Variants in PRKCA observed in about 807,000 individuals in gnomAD.
PRKCA encodes protein kinase C alpha.
A neutral mutation model predicts 87.0 loss-of-function variants in PRKCA; 27 were observed. The observed-to-expected ratio is 0.31, with a 90% CI of 0.23 to 0.43. The LOEUF is 0.43. Ranked by LOEUF, PRKCA falls within the 20% of genes least tolerant of loss-of-function variation. PRKCA has a pLI of 1.00. For missense variants in PRKCA, 518 were observed against 852.3 expected (o/e 0.61, Z 4.88); for synonymous variants, 329 against 311.1 (o/e 1.06, Z -0.61).
intron 11 of PRKCA, among the ~76,000 whole-genome samples, chr17:66,740,707 C>T (rs73329797): frequency 0.15 from 22,143 of 152,144 alleles, 2,430 homozygotes; most frequent in African/African-American, 0.31. Flanking sequence ...AGCTTGGTCA[C>T]ACAGGACTGT....
rs1276656186 is a variant in PRKCA, at chr17:66,562,200, AAT to A, written c.288+65925_288+65926del. ...TATAATTAAGTTATATATAAAATTAAATATATATAATTAAATTATATATAATT... is the reference window on the plus strand; with the variant it reads ...TATAATTAAGTTATATATAAAATTAAATATATAATTAAATTATATATAATT... On this transcript the variant is annotated intron_variant, in intron 3 of 16. Coordinates refer to ENST00000413366, the MANE Select transcript of PRKCA (RefSeq NM_002737.3). Among the ~76,000 whole-genome samples the A allele has an allele frequency of 1.8e-4, 26 of 141,104 alleles. 3 individuals are homozygous for A. The highest frequency in any genetic ancestry group is 1.1e-3 in the Admixed American group (15 of 13,478). The allele number at this position is 141,104 out of a possible 152,430, so 92.6% of individuals were successfully genotyped here.
chr17:66,375,898 T>TA (rs1429199003), intron 2 of PRKCA, among the ~76,000 whole-genome samples: 1 of 152,146 alleles, frequency 6.6e-6, no homozygotes. Context: ...TGAAGGGGGA[T>TA]ATTGCTACCT....
At chr17:66,511,611 G>C (rs1917232941) in intron 3 of PRKCA, among the ~76,000 whole-genome samples, 2 of 152,116 alleles carry the variant, frequency 1.3e-5, no homozygotes, top group Admixed American at 1.3e-4. Flanking sequence ...AGGGGCTTGG[G>C]CTTGCGGATT....
intron 2 of PRKCA, among the ~76,000 whole-genome samples, chr17:66,404,970 A>T (rs189492261): frequency 1.3e-5 from 2 of 151,894 alleles, no homozygotes; most frequent in Admixed American, 1.3e-4. Flanking sequence ...GGCTGATCTC[A>T]AACTCCTGAC....
intron 2 of PRKCA, among the ~76,000 whole-genome samples, chr17:66,349,618 T>C (rs1422959672): frequency 6.6e-6 from 1 of 152,148 alleles, no homozygotes; most frequent in Non-Finnish European, 1.5e-5. Flanking sequence ...TGCGGTAGAC[T>C]CTGGCAGGAC....
chr17:66,338,748 C>T (rs1027879511), intron 2 of PRKCA, among the ~76,000 whole-genome samples: 3 of 152,168 alleles, frequency 2.0e-5, no homozygotes, highest in African/African-American at 7.2e-5. Flanking sequence ...GTACTATAAC[C>T]AACCAATAAG....
chr17:66,355,984 C>T (rs987307358), intron 2 of PRKCA, among the ~76,000 whole-genome samples: 4 of 152,058 alleles, frequency 2.6e-5, no homozygotes, highest in East Asian at 1.9e-4. Flanking sequence ...CTGCAACCTC[C>T]GCCTCCTGGG....
intron 5 of PRKCA, among the ~76,000 whole-genome samples, chr17:66,663,154 T>A (rs933236684): frequency 6.6e-6 from 1 of 152,138 alleles, no homozygotes; most frequent in Non-Finnish European, 1.5e-5. Context: ...AAGACAGGGC[T>A]CCCTCGGGCA....
Position 66,559,479 on chromosome 17 carries a change from C to CAAAA in PRKCA, c.288+63220_288+63223dup, listed in dbSNP as rs34998780. On this transcript the variant is annotated intron_variant, in intron 3 of 16. Coordinates refer to ENST00000413366, the MANE Select transcript of PRKCA (RefSeq NM_002737.3). ...GCAACAGAGTGAGTCTCTGTCTCAC[C>CAAAA]AAAAAAAAAAAAAAAAAAAAAAAAA... 2.5e-4 allele frequency among the ~76,000 whole-genome samples: 9 copies of CAAAA among 36,674 alleles called. 1 individual carries two copies. Among genetic ancestry groups the CAAAA allele is most frequent in the African/African-American group, 7.9e-4 (6 of 7,616 alleles). 24.1% of individuals were successfully genotyped at this position (36,674 alleles called of 152,430 possible). A position where few individuals can be genotyped will look rare whatever the true frequency, so the allele number is the denominator to read the frequency against.
At chr17:66,664,588 C>G (rs1723479492) in intron 5 of PRKCA, among the ~76,000 whole-genome samples, 1 of 148,376 alleles carries the variant, frequency 6.7e-6, no homozygotes, top group South Asian at 2.1e-4. Context: ...TTCGTCATCT[C>G]ATGATGAAGA....
rs561355423 is a variant in PRKCA, at chr17:66,809,581, G to A, written c.*5544G>A. 1 of 152,234 alleles carries A rather than the reference G, an allele frequency of 6.6e-6. No homozygotes were observed. The highest frequency in any genetic ancestry group is 1.9e-4 in the East Asian group (1 of 5,174). 9.4% of individuals were successfully genotyped at this position (152,234 alleles called of 1,614,324 possible). A position where few individuals can be genotyped will look rare whatever the true frequency, so the allele number is the denominator to read the frequency against. The stretch of plus-strand genomic sequence containing the variant: ...TGGAGCTTGTAGGAGGACTTAGCCT[G>A]GGTCAGCTGGAGCACCCCCGACCTG... On this transcript the variant is annotated 3_prime_UTR_variant, in exon 17 of 17. Coordinates refer to ENST00000413366, the MANE Select transcript of PRKCA (RefSeq NM_002737.3).
chr17:66,512,342 T>A (rs1917268831), intron 3 of PRKCA, among the ~76,000 whole-genome samples: 1 of 152,092 alleles, frequency 6.6e-6, no homozygotes, highest in Non-Finnish European at 1.5e-5. Flanking sequence ...CTCAGGTGGC[T>A]GAGGCAGGAG....
Position 66,741,593 on chromosome 17 carries a change from A to G in PRKCA, c.1323-66A>G, listed in dbSNP as rs1222523979. On this transcript the variant is annotated intron_variant, in intron 11 of 16. Transcript: ENST00000413366. ...TTTCTCTCTTTGATGCTTGAATTTGAGAATGTAAAGTATACAGGCATCTAA... is the reference window on the plus strand; with the variant it reads ...TTTCTCTCTTTGATGCTTGAATTTGGGAATGTAAAGTATACAGGCATCTAA... 3 of 1,525,214 alleles carry G rather than the reference A, an allele frequency of 2.0e-6. No homozygotes were observed. The East Asian group carries it at 6.8e-5, about 34-fold the overall frequency. The allele number at this position is 1,525,214 out of a possible 1,614,324, so 94.5% of individuals were successfully genotyped here.
chr17:66,663,205 T>C (rs1971954445), intron 5 of PRKCA, among the ~76,000 whole-genome samples: 1 of 152,278 alleles, frequency 6.6e-6, no homozygotes, highest in Non-Finnish European at 1.5e-5. Context: ...GCCTCAAAGG[T>C]TCATGCGCCT....
In PRKCA at chr17:66,523,686, A is replaced by G. The variant is rs112703608; in HGVS notation, c.288+27403A>G. ...TGAGAAAAAGCGAATGCACCTGACT[A>G]TTTGGTGAGTTCCGGCAGGAGGAGG... is the stretch of plus-strand genomic sequence containing the variant. On this transcript the variant is annotated intron_variant, in intron 3 of 16. Transcript: ENST00000413366. 5.3e-5 allele frequency among the ~76,000 whole-genome samples: 8 copies of G among 152,244 alleles called. 1 individual carries two copies. The highest frequency in any genetic ancestry group is 1.9e-4 in the African/African-American group (8 of 41,532).
In PRKCA at chr17:66,740,884, A is replaced by G. The variant is rs1296388790; in HGVS notation, c.1323-775A>G. The stretch of plus-strand genomic sequence containing the variant: ...ATCTCTTCACCCTCCCCCTTTCTGT[A>G]CTCTTCTAGCCTTCAGAGGTGGCCC... On this transcript the variant is annotated intron_variant, in intron 11 of 16. Transcript: ENST00000413366. Among the ~76,000 whole-genome samples the G allele has an allele frequency of 2.6e-5, 4 of 151,962 alleles. No homozygotes were observed. The East Asian group carries it at 5.8e-4, about 22-fold the overall frequency.
At chr17:66,758,169 A>G (rs1974601501) in intron 13 of PRKCA, among the ~76,000 whole-genome samples, 1 of 152,216 alleles carries the variant, frequency 6.6e-6, no homozygotes, top group African/African-American at 2.4e-5. Flanking sequence ...GTTCTTCAAC[A>G]TGAGGCCGCA....
At chr17:66,417,203 C>T (rs1317203021) in intron 2 of PRKCA, among the ~76,000 whole-genome samples, 1 of 151,022 alleles carries the variant, frequency 6.6e-6, no homozygotes, top group Non-Finnish European at 1.5e-5. Context: ...CCCAGCCTGG[C>T]CTTTTTTTTT....
rs1972732212 is a variant in PRKCA at position 66,689,867 on chromosome 17, T to C, written c.918+820T>C. On this transcript the variant is annotated intron_variant, in intron 8 of 16. Coordinates refer to ENST00000413366, the MANE Select transcript of PRKCA (RefSeq NM_002737.3). This position sits in a 1 kb window ranked among gnomAD's most constrained non-coding sequence, Gnocchi z 4.1. ...TCAGTCTGTGTAACTGGTTAATTCCTTCGTGAATCTTTCTCTTCTTCAGAC... is the reference window on the plus strand; with the variant it reads ...TCAGTCTGTGTAACTGGTTAATTCCCTCGTGAATCTTTCTCTTCTTCAGAC... Among the ~76,000 whole-genome samples the C allele has an allele frequency of 6.6e-6, 1 of 152,260 alleles. No individual in the cohort carries two copies. Among genetic ancestry groups the C allele is most frequent in the African/African-American group, 2.4e-5 (1 of 41,472 alleles).
Sources: gnomAD v4.1 joint callset for allele counts (sites outside exome capture counted in the v4.1 genomes callset) on GRCh38, gnomAD v4.1.1 for gene constraint, Gnocchi (gnomAD v3.1) non-coding constraint, MANE v1.5 for transcripts, NCBI Gene and HGNC (gene_info 2026-07-23, HGNC 2026-07-21) for gene names.